The following FRMPD4 variants were observed in gnomAD, a reference collection of about 807,000 sequenced individuals.
FRMPD4 encodes the protein FERM and PDZ domain-containing protein 4.
In FRMPD4, 22 loss-of-function variants were observed where a neutral mutation model predicts 94.1. The observed-to-expected ratio is 0.23, with a 90% CI of 0.17 to 0.33. FRMPD4 has a LOEUF of 0.33. Among genes scored for constraint, FRMPD4 ranks in the 10% least tolerant of loss-of-function variants. The probability of loss-of-function intolerance (pLI) is 1.00; values close to 1 mark genes in which losing one functional copy is unlikely to be tolerated. For missense variants in FRMPD4, 1,111 were observed against 1,339.9 expected, an observed-to-expected ratio of 0.83 and a Z score of 2.67; for synonymous variants, 631 against 548.6, an observed-to-expected ratio of 1.15 and a Z score of -2.10.
chrX:12,205,623 A>G (rs1387971630), intron 1 of FRMPD4, among the ~76,000 whole-genome samples: 1 of 112,008 alleles, frequency 8.9e-6, no homozygotes, highest in African/African-American at 3.2e-5. Flanking sequence ...AGCTCTTTTA[A>G]GATGACTTAT....
At chrX:12,649,130 C>A (rs757118724) in intron 4 of FRMPD4, among the ~76,000 whole-genome samples, 24 of 111,943 alleles carry the variant, frequency 2.1e-4, no homozygotes, top group African/African-American at 7.5e-4. Flanking sequence ...GACGGGATTC[C>A]ATCCTGGGAG....
intron 1 of FRMPD4, among the ~76,000 whole-genome samples, chrX:12,300,576 A>G (rs767950629): frequency 3.6e-4 from 41 of 112,494 alleles, no homozygotes; most frequent in Non-Finnish European, 5.3e-4. Flanking sequence ...ATCATGCACT[A>G]CTCTGTGGTG....
At chrX:12,390,828 A>G (rs1057018939) in intron 1 of FRMPD4, among the ~76,000 whole-genome samples, 6 of 112,275 alleles carry the variant, frequency 5.3e-5, no homozygotes, top group African/African-American at 1.9e-4. Context: ...TTCTGCTCAC[A>G]GAATTCTGAT....
intron 1 of FRMPD4, among the ~76,000 whole-genome samples, chrX:12,471,474 T>C (rs1483921772): frequency 3.6e-5 from 4 of 111,777 alleles, no homozygotes; most frequent in African/African-American, 9.8e-5. Flanking sequence ...TCTATCAAGC[T>C]ACGTGACTGG....
At chrX:12,099,750 A>T (rs1479788492) in intron 3 of FRMPD4, among the ~76,000 whole-genome samples, 1 of 112,307 alleles carries the variant, frequency 8.9e-6, no homozygotes, top group Non-Finnish European at 1.9e-5. Flanking sequence ...AAATTATTGA[A>T]AAAGTTATTA....
chrX:11,915,756 C>G, intron 3 of FRMPD4, among the ~76,000 whole-genome samples: 1 of 111,813 alleles, frequency 8.9e-6, no homozygotes, highest in Non-Finnish European at 1.9e-5. Flanking sequence ...CCTCTGGAGT[C>G]AGACTGATTG....
intron 2 of FRMPD4, among the ~76,000 whole-genome samples, chrX:12,579,231 A>G (rs995344615): frequency 8.9e-6 from 1 of 112,348 alleles, no homozygotes; most frequent in Non-Finnish European, 1.9e-5. Flanking sequence ...GGTTTTTTCC[A>G]TTCTACTTTT....
intron 3 of FRMPD4, among the ~76,000 whole-genome samples, chrX:11,908,578 A>C (rs900408833): frequency 9.0e-6 from 1 of 111,546 alleles, no homozygotes; most frequent in Middle Eastern, 4.6e-3. Flanking sequence ...CAAATCTTCT[A>C]TTTTACACTG....
chrX:11,988,863 A>G (rs766262428), intron 3 of FRMPD4, among the ~76,000 whole-genome samples: 74 of 112,144 alleles, frequency 6.6e-4, no homozygotes, highest in Non-Finnish European at 1.3e-3. Context: ...GGTGCTCAAC[A>G]TCATTGAACA....
At chrX:12,416,176 C>T (rs2056798018) in intron 1 of FRMPD4, among the ~76,000 whole-genome samples, 1 of 109,522 alleles carries the variant, frequency 9.1e-6, no homozygotes, top group Non-Finnish European at 1.9e-5. Context: ...CCCTTTCTAC[C>T]TCTTCCGCCC....
intron 1 of FRMPD4, among the ~76,000 whole-genome samples, chrX:12,484,943 A>G (rs1057449015): frequency 8.9e-6 from 1 of 112,449 alleles, no homozygotes; most frequent in Non-Finnish European, 1.9e-5. Flanking sequence ...ACTCGATAGC[A>G]GGGGTTGGCA....
intron 4 of FRMPD4, among the ~76,000 whole-genome samples, chrX:12,617,140 T>C (rs940054268): frequency 1.8e-5 from 2 of 112,355 alleles, no homozygotes; most frequent in Admixed American, 1.9e-4. Context: ...ATGAACCAGT[T>C]AAAAGAGAGG....
At chrX:12,311,360 C>T (rs1325366660) in intron 1 of FRMPD4, among the ~76,000 whole-genome samples, 2 of 112,202 alleles carry the variant, frequency 1.8e-5, no homozygotes, top group African/African-American at 6.5e-5. Context: ...ATTTAAACTC[C>T]ATAAAATTAC....
At chrX:12,624,914 A>G (rs1161747441) in intron 4 of FRMPD4, among the ~76,000 whole-genome samples, 2 of 111,034 alleles carry the variant, frequency 1.8e-5, no homozygotes, top group East Asian at 5.5e-4. Context: ...ATAATAATAT[A>G]TAAGGAACAC....
At chrX:12,711,402 A>T (rs1602360877) in intron 14 of FRMPD4, among the ~76,000 whole-genome samples, 1 of 112,066 alleles carries the variant, frequency 8.9e-6, no homozygotes, top group East Asian at 2.8e-4. Flanking sequence ...CCATAATAGG[A>T]GCACCAAGAT....
At chrX:11,833,233 A>G (rs934453009) in intron 1 of FRMPD4, among the ~76,000 whole-genome samples, 3 of 112,157 alleles carry the variant, frequency 2.7e-5, no homozygotes, top group African/African-American at 9.7e-5. Flanking sequence ...TTATCCATTC[A>G]TCTACTGAAG....
At chrX:11,911,181 A>G (rs969063156) in intron 3 of FRMPD4, among the ~76,000 whole-genome samples, 1 of 112,614 alleles carries the variant, frequency 8.9e-6, no homozygotes, top group Non-Finnish European at 1.9e-5. Context: ...CCAATAAAAC[A>G]TAATTTACAA....
chrX:12,131,962 C>T (rs893453560), intron 3 of FRMPD4, among the ~76,000 whole-genome samples: 1 of 112,220 alleles, frequency 8.9e-6, no homozygotes, highest in Non-Finnish European at 1.9e-5. Flanking sequence ...AAACAATAAT[C>T]TTTAAAACCA....
chrX:12,309,330 G>A (rs5978514), intron 1 of FRMPD4, among the ~76,000 whole-genome samples: 7,595 of 105,077 alleles, frequency 0.072, 653 homozygotes, highest in African/African-American at 0.25. Flanking sequence ...CTGTGCAGAC[G>A]TTAAAATTTA....
Sources: allele counts gnomAD v4.1 joint callset (sites outside exome capture counted in the v4.1 genomes callset), GRCh38; gene constraint gnomAD v4.1.1; transcripts MANE v1.5; gene names NCBI Gene and HGNC (gene_info 2026-07-23, HGNC 2026-07-21).